Variants in DCUN1D3 observed in about 807,000 individuals in gnomAD.
DCUN1D3 encodes the protein DCN1-like protein 3.
A neutral mutation model predicts 24.8 loss-of-function variants in DCUN1D3; 6 were observed. That is an observed-to-expected ratio of 0.24 (90% CI 0.13 to 0.48). DCUN1D3 has a LOEUF of 0.48. Ranked by LOEUF, DCUN1D3 falls within the 20% of genes least tolerant of loss-of-function variation. The pLI is 0.99. For synonymous variants in DCUN1D3, 120 were observed against 144.9 expected, an observed-to-expected ratio of 0.83 and a Z score of 1.24; for missense variants, 258 against 379.4, an observed-to-expected ratio of 0.68 and a Z score of 2.66.
chr16:20,896,450 A>G (rs1214567944), intron 1 of DCUN1D3: 9 of 152,174 alleles, frequency 5.9e-5, no homozygotes, highest in African/African-American at 2.2e-4. Flanking sequence ...CGAAAATCCA[A>G]TCCACTTAAA....
chr16:20,857,554 C>T lies in DCUN1D3; in HGVS notation c.*2332G>A, dbSNP rs1418321782. 1.3e-5 allele frequency: 2 copies of T among 152,262 alleles called. No homozygotes were observed. The highest frequency in any genetic ancestry group is 2.9e-5 in the Non-Finnish European group (2 of 68,080). The allele number at this position is 152,262 out of a possible 1,614,324, so 9.4% of individuals were successfully genotyped here. ...GCCTGGCTTTTCCCTCAGTCAACCA[C>T]TACCCAATCCAGAACCGGGGAAAAT... On this transcript the variant is annotated 3_prime_UTR_variant, in exon 3 of 3. Transcript: ENST00000324344.
At chr16:20,884,198 G>A (rs994574036) in intron 1 of DCUN1D3, among the ~76,000 whole-genome samples, 4 of 152,130 alleles carry the variant, frequency 2.6e-5, no homozygotes, top group Non-Finnish European at 5.9e-5. Context: ...CGACCATGGA[G>A]ATAATCATTT....
intron 1 of DCUN1D3, among the ~76,000 whole-genome samples, chr16:20,867,431 C>T (rs548871009): frequency 8.5e-5 from 13 of 152,288 alleles, no homozygotes; most frequent in East Asian, 5.8e-4. Flanking sequence ...CCCCACCAGA[C>T]GTGGAAACGA....
At chr16:20,897,696 GC>G (rs1206698773) in intron 1 of DCUN1D3, among the ~76,000 whole-genome samples, 3 of 152,174 alleles carry the variant, frequency 2.0e-5, no homozygotes, top group African/African-American at 7.2e-5. Context: ...AACTTATTAT[GC>G]AGTTTTAAAC....
intron 1 of DCUN1D3, among the ~76,000 whole-genome samples, chr16:20,894,966 A>G (rs1596642299): frequency 6.6e-6 from 1 of 152,192 alleles, no homozygotes. Context: ...TAGGTTCTAC[A>G]TTGGCAGATT....
intron 1 of DCUN1D3, among the ~76,000 whole-genome samples, chr16:20,876,422 A>AAATTGGTT (rs2081815642): frequency 7.6e-6 from 1 of 130,908 alleles, no homozygotes; most frequent in Non-Finnish European, 1.7e-5. Flanking sequence ...CACCCCAGTT[A>AAATTGGTT]AAATGGTTAT....
At chr16:20,882,413 C>G (rs1466052456) in intron 1 of DCUN1D3, among the ~76,000 whole-genome samples, 1 of 151,898 alleles carries the variant, frequency 6.6e-6, no homozygotes, top group Non-Finnish European at 1.5e-5. Flanking sequence ...CCACCACACT[C>G]TGCTAATTTT....
chr16:20,873,107 C>G (rs1482500604), intron 1 of DCUN1D3, among the ~76,000 whole-genome samples: 2 of 144,180 alleles, frequency 1.4e-5, no homozygotes, highest in South Asian at 4.3e-4. Context: ...GGCTACAGAG[C>G]GAGACTCTGT....
chr16:20,873,596 T>A (rs1348674852), intron 1 of DCUN1D3, among the ~76,000 whole-genome samples: 2 of 152,254 alleles, frequency 1.3e-5, no homozygotes, highest in East Asian at 3.8e-4. Context: ...ATCCAGGCTC[T>A]TCATCAGGTG....
At chr16:20,899,623 G>A (rs546007593) in intron 1 of DCUN1D3, among the ~76,000 whole-genome samples, 2 of 152,208 alleles carry the variant, frequency 1.3e-5, no homozygotes, top group South Asian at 4.1e-4. Context: ...GGGGTGAGAA[G>A]TGCGGGGGGT....
At chr16:20,868,719 A>T (rs922233078) in intron 1 of DCUN1D3, among the ~76,000 whole-genome samples, 2 of 152,174 alleles carry the variant, frequency 1.3e-5, no homozygotes, top group African/African-American at 2.4e-5. Context: ...TCTGCTCACA[A>T]TAAGTGACCA....
intron 1 of DCUN1D3, among the ~76,000 whole-genome samples, chr16:20,899,173 G>T (rs1435059389): frequency 6.6e-6 from 1 of 152,236 alleles, no homozygotes; most frequent in East Asian, 1.9e-4. Context: ...GTAATATGGG[G>T]TTTTCTGTTC....
rs547469107 is a variant in DCUN1D3, at chr16:20,880,263, C to T, written c.-105-17620G>A. Among the ~76,000 whole-genome samples the T allele has an allele frequency of 3.3e-5, 5 of 152,220 alleles. No individual in the cohort carries two copies. In the East Asian group the frequency reaches 9.6e-4, roughly 29 times the overall value. On this transcript the variant is annotated intron_variant, in intron 1 of 2. Coordinates refer to ENST00000324344, the MANE Select transcript of DCUN1D3 (RefSeq NM_173475.4). ...GTCATTTTAGTGACAGCATCTTAGA[C>T]TGCAAGCTCCAAGAAGACAGGGAAT...
intron 1 of DCUN1D3, among the ~76,000 whole-genome samples, chr16:20,898,331 G>C (rs1456336903): frequency 6.6e-6 from 1 of 152,124 alleles, no homozygotes; most frequent in Non-Finnish European, 1.5e-5. Flanking sequence ...ATCAAAATCT[G>C]GTTTACTGGG....
rs562717598 is a variant in DCUN1D3, at chr16:20,862,290, G to A, written c.249C>T (p.Ala83=). ...CCAATCTTTGCAAGGAAGACTCCTC[G>A]GCATTGGACTTGGACTCCCTCCCAG... The part of the protein sequence containing the change: ...GDAGRESKSN[A]EESSLQRLEE... The change falls in exon 2 of 3, where the codon GCC becomes GCT. Residue 83 remains alanine (A), a synonymous_variant. Transcript: ENST00000324344. The A allele has an allele frequency of 5.0e-6, 8 of 1,614,170 alleles. No individual in the cohort carries two copies. Among genetic ancestry groups the A allele is most frequent in the African/African-American group, 2.7e-5 (2 of 75,046 alleles).
At chr16:20,890,270 G>A (rs971705291) in intron 1 of DCUN1D3, among the ~76,000 whole-genome samples, 4 of 152,236 alleles carry the variant, frequency 2.6e-5, no homozygotes, top group South Asian at 2.1e-4. Context: ...TTCAGGTAAC[G>A]TACAAATACC....
intron 1 of DCUN1D3, among the ~76,000 whole-genome samples, chr16:20,880,615 AAAAAAAAAAAAAAAC>A (rs2081838466): frequency 1.3e-5 from 2 of 148,588 alleles, no homozygotes; most frequent in African/African-American, 5.0e-5. Context: ...AAAAAAAAAA[AAAAAAAAAAAAAAAC>A]AGAAAAAAGA....
chr16:20,861,324 G>A (rs968640001), intron 2 of DCUN1D3, among the ~76,000 whole-genome samples: 7 of 149,630 alleles, frequency 4.7e-5, no homozygotes, highest in Non-Finnish European at 7.4e-5. Flanking sequence ...GGAGAGAGGC[G>A]TATCCCCTCC....
intron 1 of DCUN1D3, among the ~76,000 whole-genome samples, chr16:20,898,441 C>T (rs1302283835): frequency 6.6e-6 from 1 of 152,190 alleles, no homozygotes; most frequent in Non-Finnish European, 1.5e-5. Context: ...CACCCAGTGC[C>T]TGAAACACTG....
Sources: gnomAD v4.1 joint callset for allele counts (sites outside exome capture counted in the v4.1 genomes callset) on GRCh38, gnomAD v4.1.1 for gene constraint, MANE v1.5 for transcripts, NCBI Gene and HGNC (gene_info 2026-07-23, HGNC 2026-07-21) for gene names.